The following MAMDC2 variants were observed in gnomAD, a reference collection of about 807,000 sequenced individuals.
The protein encoded by MAMDC2 is MAM domain-containing protein 2.
Under a neutral mutation model 89.8 loss-of-function variants are expected in MAMDC2, and 57 were observed. That is an observed-to-expected ratio of 0.63 (90% CI 0.51 to 0.79). MAMDC2 has a LOEUF of 0.79. Among genes scored for constraint, MAMDC2 ranks in the 30% least tolerant of loss-of-function variants. The probability of loss-of-function intolerance (pLI) is 0.00; values close to 1 mark genes in which losing one functional copy is unlikely to be tolerated. For missense variants in MAMDC2, 800 were observed against 820.6 expected (o/e 0.97, Z 0.31); for synonymous variants, 313 against 293.4 (o/e 1.07, Z -0.68).
intron 9 of MAMDC2, among the ~76,000 whole-genome samples, chr9:70,146,435 C>G (rs2031405910): frequency 6.6e-6 from 1 of 152,122 alleles, no homozygotes; most frequent in Non-Finnish European, 1.5e-5. Context: ...TTGGCAGGTC[C>G]CTGTTAGATA....
intron 2 of MAMDC2, among the ~76,000 whole-genome samples, chr9:70,064,265 C>T (rs934748852): frequency 6.6e-6 from 1 of 152,012 alleles, no homozygotes; most frequent in East Asian, 1.9e-4. Context: ...TGTGCCCCAT[C>T]ACCCGAGCAG....
chr9:70,181,368 G>C (rs1192883080), intron 11 of MAMDC2, among the ~76,000 whole-genome samples: 2 of 152,152 alleles, frequency 1.3e-5, no homozygotes, highest in African/African-American at 2.4e-5. Flanking sequence ...ATTTAAAGTA[G>C]TTTTTTCTAA....
At position 70,131,617 on chromosome 9, in the gene MAMDC2, G is replaced by C; in HGVS notation, c.994+5G>C. ...TTCACTGCCAGAATCAGACAGGTGA[G>C]CATTCTCTATTTGTCATTGCATTTT... On this transcript the variant is annotated splice_donor_5th_base_variant and intron_variant, in intron 7 of 13. Transcript: ENST00000377182. 1 of 1,597,758 alleles carries C rather than the reference G, an allele frequency of 6.3e-7. No homozygotes were observed. The highest frequency in any genetic ancestry group is 8.5e-7 in the Non-Finnish European group (1 of 1,170,390).
chr9:70,195,254 A>G (rs1304457906), intron 11 of MAMDC2, among the ~76,000 whole-genome samples: 1 of 152,108 alleles, frequency 6.6e-6, no homozygotes, highest in Non-Finnish European at 1.5e-5. Context: ...CAAACCAACC[A>G]ACCAAATCCA....
intron 2 of MAMDC2, among the ~76,000 whole-genome samples, chr9:70,077,756 A>G (rs1827564740): frequency 6.6e-6 from 1 of 152,160 alleles, no homozygotes; most frequent in Non-Finnish European, 1.5e-5. Context: ...GGTGCAGGCC[A>G]TTTGGACTTT....
intron 11 of MAMDC2, among the ~76,000 whole-genome samples, chr9:70,176,713 T>C (rs1337688564): frequency 6.6e-6 from 1 of 152,220 alleles, no homozygotes; most frequent in East Asian, 1.9e-4. Context: ...TTTATTCCCA[T>C]GTACAACAAT....
intron 11 of MAMDC2, chr9:70,217,364 G>C (rs2033468010): frequency 1.5e-6 from 2 of 1,354,968 alleles, no homozygotes; most frequent in African/African-American, 1.4e-5. Flanking sequence ...CTCCACAGAA[G>C]GAAGCACAAA....
intron 2 of MAMDC2, among the ~76,000 whole-genome samples, chr9:70,102,758 A>G (rs1417534025): frequency 1.3e-5 from 2 of 152,202 alleles, no homozygotes; most frequent in East Asian, 3.9e-4. Flanking sequence ...TAAAGATTTT[A>G]TCATCTCTAA....
intron 11 of MAMDC2, among the ~76,000 whole-genome samples, chr9:70,186,336 C>G (rs563305102): frequency 1.1e-5 from 1 of 87,180 alleles, no homozygotes; most frequent in Non-Finnish European, 2.3e-5. Context: ...ATTTTTGGTG[C>G]ATGTCTGCTG....
chr9:70,145,332 A>G (rs558935408), intron 9 of MAMDC2, among the ~76,000 whole-genome samples: 1 of 152,284 alleles, frequency 6.6e-6, no homozygotes, highest in South Asian at 2.1e-4. Flanking sequence ...CTTGCTCTTT[A>G]AGCTCATTGC....
intron 11 of MAMDC2, among the ~76,000 whole-genome samples, chr9:70,191,786 A>T (rs2032886084): frequency 6.6e-6 from 1 of 152,152 alleles, no homozygotes; most frequent in Admixed American, 6.6e-5. Context: ...CTTAGTATGT[A>T]CTAAACTTCA....
chr9:70,168,765 A>G lies in MAMDC2; in HGVS notation c.1468A>G (p.Thr490Ala), dbSNP rs1463293719. 6.2e-7 allele frequency: 1 copy of G among 1,614,120 alleles called. No homozygotes were observed. Among genetic ancestry groups the G allele is most frequent in the South Asian group, 1.1e-5 (1 of 91,086 alleles). The change falls in exon 10 of 14, where the codon ACA (threonine) becomes GCA (alanine). Residue 490 changes from threonine (T) to alanine (A), a missense_variant. Physicochemically the swap from Thr to Ala is moderately conservative, Grantham distance 58. Transcript: ENST00000377182. ...DCGLVALDDI[T>A]IQLGSCSSSE... ...TGGGCTTGTAGCCCTGGATGACATT[A>G]CAATACAATTGGGAAGCTGCTCATC...
intron 11 of MAMDC2, among the ~76,000 whole-genome samples, chr9:70,196,669 G>A (rs2032979735): frequency 6.6e-6 from 1 of 152,052 alleles, no homozygotes; most frequent in East Asian, 1.9e-4. Context: ...TAGAAAGGAT[G>A]CCATCTAAAG....
intron 6 of MAMDC2, among the ~76,000 whole-genome samples, chr9:70,130,384 T>C (rs199789555): frequency 6.6e-6 from 1 of 152,158 alleles, no homozygotes; most frequent in East Asian, 1.9e-4. Context: ...TTCTACTACT[T>C]GCCTGGACTT....
intron 11 of MAMDC2, among the ~76,000 whole-genome samples, chr9:70,187,622 A>G (rs537954908): frequency 6.6e-6 from 1 of 151,960 alleles, no homozygotes; most frequent in Admixed American, 6.6e-5. Context: ...CCCTTTCCCT[A>G]TCTCTTCCCT....
chr9:70,098,078 G>A (rs1055707489), intron 2 of MAMDC2, among the ~76,000 whole-genome samples: 1 of 152,240 alleles, frequency 6.6e-6, no homozygotes, highest in Middle Eastern at 3.4e-3. Flanking sequence ...CTGGCAACTG[G>A]GGGCCCATAT....
chr9:70,202,731 G>A (rs976665656), intron 11 of MAMDC2, among the ~76,000 whole-genome samples: 3 of 149,114 alleles, frequency 2.0e-5, no homozygotes, highest in Non-Finnish European at 4.5e-5. Flanking sequence ...TTATGAATCT[G>A]GGTTTTCCCG....
chr9:70,135,802 T>C (rs1173432081), intron 7 of MAMDC2, among the ~76,000 whole-genome samples: 1 of 152,164 alleles, frequency 6.6e-6, no homozygotes, highest in African/African-American at 2.4e-5. Flanking sequence ...GACAAATGTA[T>C]AATGACATGT....
chr9:70,068,725 CAAA>C (rs34946038), intron 2 of MAMDC2, among the ~76,000 whole-genome samples: 1 of 99,760 alleles, frequency 1.0e-5, no homozygotes, highest in African/African-American at 3.9e-5. Flanking sequence ...CCCTCCATCA[CAAA>C]AAAAAAAAAA....
Sources: gnomAD v4.1 joint callset for allele counts (sites outside exome capture counted in the v4.1 genomes callset) on GRCh38, gnomAD v4.1.1 for gene constraint, MANE v1.5 for transcripts, NCBI Gene and HGNC (gene_info 2026-07-23, HGNC 2026-07-21) for gene names.